RMDN2: variants seen among roughly 807,000 people sequenced by gnomAD.
RMDN2 encodes regulator of microtubule dynamics protein 2.
A neutral mutation model predicts 52.8 loss-of-function variants in RMDN2; 61 were observed. The observed-to-expected ratio is 1.16, with a 90% CI of 0.94 to 1.43. RMDN2 has a LOEUF of 1.43. Among genes scored for constraint, RMDN2 ranks in the 40% most tolerant of loss-of-function variants. RMDN2 has a pLI of 0.00. For missense variants in RMDN2, 592 were observed against 475.3 expected, an observed-to-expected ratio of 1.25 and a Z score of -2.28; for synonymous variants, 180 against 153.1, an observed-to-expected ratio of 1.18 and a Z score of -1.30.
intron 10 of RMDN2, among the ~76,000 whole-genome samples, chr2:38,044,217 C>T (rs1185707215): frequency 6.6e-6 from 1 of 151,892 alleles, no homozygotes; most frequent in Non-Finnish European, 1.5e-5. Flanking sequence ...AAATATTTTA[C>T]ACTCTTCTTC....
At chr2:38,042,976 A>G (rs932766071) in intron 10 of RMDN2, among the ~76,000 whole-genome samples, 4 of 152,132 alleles carry the variant, frequency 2.6e-5, no homozygotes, top group Admixed American at 1.3e-4. Flanking sequence ...ATTCTGCTCT[A>G]TTGGATGGAG....
intron 5 of RMDN2, among the ~76,000 whole-genome samples, chr2:37,982,304 A>G (rs1229962751): frequency 2.0e-5 from 3 of 152,200 alleles, no homozygotes; most frequent in African/African-American, 4.8e-5. Context: ...TCCACTCACA[A>G]ACTCTCACTT....
Position 37,936,838 on chromosome 2 carries a change from T to C in RMDN2, c.452+7109T>C, listed in dbSNP as rs150405768. Among the ~76,000 whole-genome samples, 218 of 152,322 alleles carry C rather than the reference T, an allele frequency of 1.4e-3. 5 individuals are homozygous for C. The East Asian group carries it at 0.037, about 26-fold the overall frequency. ...ATTGCAAAAATTTTCTCCCATTCTG[T>C]AGGGTGCCTGTTCACTCTGATGATA... On this transcript the variant is annotated intron_variant, in intron 2 of 10. Coordinates refer to ENST00000354545, the MANE Select transcript of RMDN2 (RefSeq NM_001170791.3).
At chr2:38,062,963 T>C (rs371880106) in intron 10 of RMDN2, among the ~76,000 whole-genome samples, 3 of 152,272 alleles carry the variant, frequency 2.0e-5, no homozygotes, top group South Asian at 2.1e-4. Flanking sequence ...TTTTTTATGG[T>C]TGCATAGTAT....
At chr2:37,981,497 G>C (rs1673310893) in intron 5 of RMDN2, among the ~76,000 whole-genome samples, 154 bp downstream of exon 5, 1 of 152,068 alleles carries the variant, frequency 6.6e-6, no homozygotes, top group Non-Finnish European at 1.5e-5. Flanking sequence ...TTCTTATTCT[G>C]TTTATTCACA....
intron 10 of RMDN2, among the ~76,000 whole-genome samples, chr2:38,012,001 A>C (rs1428490584): frequency 6.6e-6 from 1 of 152,146 alleles, no homozygotes; most frequent in Non-Finnish European, 1.5e-5. Context: ...TTCCCTGCTC[A>C]AAACCCTTTG....
Position 37,991,227 on chromosome 2 carries a change from T to C in RMDN2, c.875T>C (p.Leu292Pro). 1 of 1,579,848 alleles carries C rather than the reference T, an allele frequency of 6.3e-7. No individual in the cohort carries two copies. The highest frequency in any genetic ancestry group is 2.3e-5 in the East Asian group (1 of 43,900). The stretch of plus-strand genomic sequence containing the variant: ...TTTGGATGCTTTTTTCAGGAACATC[T>C]AGATATAGCAATCAAACTTTTACCA... The part of the protein sequence containing the change: ...INYGHLFKEH[L>P]DIAIKLLPEE... The change falls in exon 7 of 11, where the codon CTA (leucine) becomes CCA (proline). Residue 292 changes from leucine to proline, a missense_variant. By Grantham distance (98) the Leu-to-Pro change is moderately conservative. Transcript: ENST00000354545.
rs932002514 is a variant in RMDN2, at chr2:37,952,409, G to A, written c.453-21631G>A. 1.4e-5 allele frequency: 7 copies of A among 504,938 alleles called. 1 individual carries two copies. The Admixed American group carries it at 2.1e-4, about 15-fold the overall frequency. The allele number at this position is 504,938 out of a possible 1,614,324, so 31.3% of individuals were successfully genotyped here. A position where few individuals can be genotyped will look rare whatever the true frequency, so the allele number is the denominator to read the frequency against. ...TTACTGATGTTATTGGAGTATGGAA[G>A]TCAAAGATGATTTTGTTTCAAGCTT... On this transcript the variant is annotated intron_variant, in intron 2 of 10. Coordinates refer to ENST00000354545, the MANE Select transcript of RMDN2 (RefSeq NM_001170791.3).
chr2:37,983,794 A>C (rs1369602813), intron 5 of RMDN2, among the ~76,000 whole-genome samples: 1 of 152,218 alleles, frequency 6.6e-6, no homozygotes, highest in Non-Finnish European at 1.5e-5. Context: ...AAACTGAATT[A>C]AGGCTGAATT....
rs577459729 is a variant in RMDN2, at chr2:37,925,442, G to A, written c.-17+17G>A. The stretch of plus-strand genomic sequence containing the variant: ...TGAACACAGGTGCGTGCGCAGTCTG[G>A]GAGGGGGCTGCTCAGCCGCTGGGGG... On this transcript the variant is annotated intron_variant, in intron 1 of 10. Transcript: ENST00000354545. 2 of 152,588 alleles carry A rather than the reference G, an allele frequency of 1.3e-5. No individual in the cohort carries two copies. The highest frequency in any genetic ancestry group is 6.5e-5 in the Admixed American group (1 of 15,308). The allele number at this position is 152,588 out of a possible 1,614,324, so 9.5% of individuals were successfully genotyped here.
At chr2:37,956,161 A>T (rs1669429356) in intron 2 of RMDN2, among the ~76,000 whole-genome samples, 1 of 152,158 alleles carries the variant, frequency 6.6e-6, no homozygotes, top group Non-Finnish European at 1.5e-5. Context: ...AAGTTATGTG[A>T]CATCACTGTC....
chr2:37,952,164 G>A lies in RMDN2; in HGVS notation c.453-21876G>A. ...AGACTTTGCTGTCTTGTTTCAAGAT[G>A]AAGACAGATCTTCACCTATTGAAAT... is the stretch of plus-strand genomic sequence containing the variant. On this transcript the variant is annotated intron_variant, in intron 2 of 10. Transcript: ENST00000354545. The A allele has an allele frequency of 6.2e-7, 1 of 1,613,192 alleles. No homozygotes were observed.
At chr2:37,962,017 A>T (rs929603680) in intron 2 of RMDN2, among the ~76,000 whole-genome samples, 1 of 152,242 alleles carries the variant, frequency 6.6e-6, no homozygotes, top group East Asian at 1.9e-4. Context: ...TATCACCAGC[A>T]GAGGCTGCAG....
intron 10 of RMDN2, among the ~76,000 whole-genome samples, chr2:38,052,451 A>G (rs1200381411): frequency 1.3e-5 from 2 of 152,122 alleles, no homozygotes; most frequent in Non-Finnish European, 2.9e-5. Context: ...TAGTTTGCAT[A>G]TATTTTCCCT....
intron 5 of RMDN2, among the ~76,000 whole-genome samples, chr2:37,983,123 C>G (rs1398572766): frequency 6.6e-6 from 1 of 152,050 alleles, no homozygotes; most frequent in Non-Finnish European, 1.5e-5. Context: ...TCTTCCTTTC[C>G]CATCCTCTGT....
intron 10 of RMDN2, chr2:38,030,849 A>G (rs891356929): frequency 6.6e-5 from 10 of 152,214 alleles, no homozygotes; most frequent in African/African-American, 2.2e-4. Flanking sequence ...AAATAACCAC[A>G]TTCAGAGCCA....
At chr2:38,060,325 G>A (rs1006861436) in intron 10 of RMDN2, among the ~76,000 whole-genome samples, 5 of 152,012 alleles carry the variant, frequency 3.3e-5, no homozygotes, top group African/African-American at 1.2e-4. Flanking sequence ...AAGAGAGCAG[G>A]CAGGCTTGCC....
chr2:37,952,401 G>C (rs1668948342), intron 2 of RMDN2: 2 of 521,640 alleles, frequency 3.8e-6, no homozygotes. Context: ...TGTTATTGGA[G>C]TATGGAAGTC....
intron 7 of RMDN2, among the ~76,000 whole-genome samples, chr2:37,994,342 A>G (rs949901509): frequency 1.3e-4 from 20 of 152,232 alleles, no homozygotes; most frequent in Admixed American, 1.2e-3. Context: ...TGTTACGGCC[A>G]TGTAACAGGA....
Sources: gnomAD v4.1 joint callset for allele counts (sites outside exome capture counted in the v4.1 genomes callset) on GRCh38, gnomAD v4.1.1 for gene constraint, MANE v1.5 for transcripts, NCBI Gene and HGNC (gene_info 2026-07-23, HGNC 2026-07-21) for gene names.